COL21A1: variants seen among roughly 807,000 people sequenced by gnomAD.
COL21A1 encodes the protein collagen type XXI alpha 1 chain, also known as collagen alpha-1(XXI) chain.
COL21A1 carries 149 observed loss-of-function variants against 137.9 expected under a neutral mutation model. The observed-to-expected ratio is 1.08, with a 90% confidence interval of 0.95 to 1.24. The LOEUF (loss-of-function observed/expected upper bound fraction) is 1.24, where lower values mean the gene tolerates loss of function less well. Among genes scored for constraint, COL21A1 ranks in the 50% most tolerant of loss-of-function variants. The pLI, the probability that COL21A1 is intolerant of heterozygous loss-of-function variation, is 0.00. For synonymous variants in COL21A1, 456 were observed against 391.5 expected, an observed-to-expected ratio of 1.16 and a Z score of -1.95; for missense variants, 1,167 against 1,158.4, an observed-to-expected ratio of 1.01 and a Z score of -0.11.
At chr6:56,224,545 G>T (rs1781071152) in intron 1 of COL21A1, among the ~76,000 whole-genome samples, 2 of 152,046 alleles carry the variant, frequency 1.3e-5, no homozygotes, top group African/African-American at 4.8e-5. Context: ...AATAAGTGAT[G>T]CTACTGAATA....
intron 12 of COL21A1, among the ~76,000 whole-genome samples, chr6:56,134,901 A>G (rs1174219741): frequency 6.6e-6 from 1 of 152,136 alleles, no homozygotes; most frequent in Non-Finnish European, 1.5e-5. Context: ...TGGAACTTTA[A>G]GTCCATTAAA....
Position 56,180,979 on chromosome 6 carries a change from T to C in COL21A1, c.89-850A>G, listed in dbSNP as rs1777846956. Reference sequence around the variant, plus strand: ...TTATTAGAATGTCTTCCTCTTCACCTGACTAATACTCTTGTTTCAGATCCC... The same window carrying C: ...TTATTAGAATGTCTTCCTCTTCACCCGACTAATACTCTTGTTTCAGATCCC... On this transcript the variant is annotated intron_variant, in intron 2 of 29. Transcript: ENST00000244728. Among the ~76,000 whole-genome samples, 3 of 152,224 alleles carry C rather than the reference T, an allele frequency of 2.0e-5. No homozygotes were observed. The South Asian group carries it at 6.2e-4, about 32-fold the overall frequency.
intron 17 of COL21A1, among the ~76,000 whole-genome samples, chr6:56,089,909 C>T (rs989868418): frequency 5.3e-5 from 8 of 152,134 alleles, no homozygotes; most frequent in African/African-American, 1.2e-4. Context: ...AAATAAAATA[C>T]GTTAATGCTT....
intron 1 of COL21A1, among the ~76,000 whole-genome samples, chr6:56,297,960 G>A (rs534950133): frequency 6.6e-6 from 1 of 152,210 alleles, no homozygotes; most frequent in Admixed American, 6.5e-5. Flanking sequence ...CTTAGAAGGG[G>A]CATCTGGAAG....
At chr6:56,241,168 G>T (rs528803228) in intron 1 of COL21A1, among the ~76,000 whole-genome samples, 1 of 152,138 alleles carries the variant, frequency 6.6e-6, no homozygotes, top group African/African-American at 2.4e-5. Context: ...ATATTTGAAC[G>T]CAAGGCCTTT....
intron 1 of COL21A1, among the ~76,000 whole-genome samples, chr6:56,295,470 A>C (rs958096175): frequency 6.6e-6 from 1 of 152,100 alleles, no homozygotes; most frequent in Admixed American, 6.6e-5. Flanking sequence ...GTTTGTCAAC[A>C]TCCACAAAGT....
At chr6:56,197,436 A>G (rs1260762577) in intron 1 of COL21A1, among the ~76,000 whole-genome samples, 6 of 152,150 alleles carry the variant, frequency 3.9e-5, no homozygotes, top group Admixed American at 1.3e-4. Flanking sequence ...TACAGAATGG[A>G]AGAAAATGTC....
At chr6:56,125,455 G>T in intron 14 of COL21A1, 112 bp downstream of exon 14, 3 of 638,394 alleles carry the variant, frequency 4.7e-6, no homozygotes, top group Non-Finnish European at 7.8e-6. Context: ...CCCCTAAGAA[G>T]GGTGAACAGA....
At chr6:56,121,668 G>A (rs1256982099) in intron 16 of COL21A1, among the ~76,000 whole-genome samples, 4 of 151,336 alleles carry the variant, frequency 2.6e-5, no homozygotes, top group Non-Finnish European at 5.9e-5. Context: ...TAATAGTGAT[G>A]TGTCAATTGT....
intron 1 of COL21A1, among the ~76,000 whole-genome samples, chr6:56,311,663 C>A (rs980643335): frequency 1.1e-4 from 17 of 152,064 alleles, no homozygotes; most frequent in Non-Finnish European, 2.5e-4. Flanking sequence ...TAAATAGTTA[C>A]CCACAAGATG....
chr6:56,207,302 GAAGAA>G (rs1476499482), intron 1 of COL21A1, among the ~76,000 whole-genome samples: 1 of 152,064 alleles, frequency 6.6e-6, no homozygotes, highest in African/African-American at 2.4e-5. Context: ...GACTAATAAA[GAAGAA>G]AAGAGAGAAG....
chr6:56,361,038 G>A (rs1018072959), intron 1 of COL21A1, among the ~76,000 whole-genome samples: 2 of 152,186 alleles, frequency 1.3e-5, no homozygotes, highest in African/African-American at 4.8e-5. Context: ...AGGTTGCAGT[G>A]AGCCAAGATT....
intron 16 of COL21A1, among the ~76,000 whole-genome samples, chr6:56,121,546 T>G (rs536989915): frequency 0.14 from 20,432 of 144,292 alleles, 1,507 homozygotes; most frequent in Middle Eastern, 0.23. Flanking sequence ...ATATGTATAT[T>G]CATATGTATA....
At chr6:56,183,591 G>A (rs190411016) in intron 1 of COL21A1, among the ~76,000 whole-genome samples, 33 of 152,152 alleles carry the variant, frequency 2.2e-4, no homozygotes, top group Non-Finnish European at 4.4e-4. Context: ...GTATAGAACA[G>A]CCTAGAGAGA....
At chr6:56,203,827 C>A (rs574467339) in intron 1 of COL21A1, among the ~76,000 whole-genome samples, 3 of 152,278 alleles carry the variant, frequency 2.0e-5, no homozygotes, top group East Asian at 3.9e-4. Flanking sequence ...CGAGCTGAAG[C>A]AGGGTGGGGC....
intron 1 of COL21A1, among the ~76,000 whole-genome samples, chr6:56,202,270 T>C (rs1304213174): frequency 6.6e-6 from 1 of 152,184 alleles, no homozygotes; most frequent in Non-Finnish European, 1.5e-5. Flanking sequence ...AAACTGTGTA[T>C]TGTTTTTCTG....
At chr6:56,258,565 G>T (rs529848698) in intron 1 of COL21A1, among the ~76,000 whole-genome samples, 1 of 152,130 alleles carries the variant, frequency 6.6e-6, no homozygotes, top group African/African-American at 2.4e-5. Context: ...TGTCTGCTCT[G>T]CCCCTCTAAC....
At chr6:56,262,410 A>G (rs1315661655) in intron 1 of COL21A1, among the ~76,000 whole-genome samples, 1 of 152,126 alleles carries the variant, frequency 6.6e-6, no homozygotes, top group Non-Finnish European at 1.5e-5. Flanking sequence ...CAATAAGCCA[A>G]TGACATGGTA....
intron 9 of COL21A1, among the ~76,000 whole-genome samples, chr6:56,160,483 C>T (rs1776113766): frequency 1.3e-5 from 2 of 152,048 alleles, no homozygotes; most frequent in Admixed American, 6.5e-5. Flanking sequence ...TGATCAGAAC[C>T]AGACTGAAGA....
Sources: gnomAD v4.1 joint callset for allele counts (sites outside exome capture counted in the v4.1 genomes callset) on GRCh38, gnomAD v4.1.1 for gene constraint, MANE v1.5 for transcripts, NCBI Gene and HGNC (gene_info 2026-07-23, HGNC 2026-07-21) for gene names.